Variants in LHCGR observed in about 807,000 individuals in gnomAD.
LHCGR encodes the protein lutropin-choriogonadotropic hormone receptor.
Under a neutral mutation model 60.7 loss-of-function variants are expected in LHCGR, and 55 were observed. That is an observed-to-expected ratio of 0.91 (90% CI 0.73 to 1.13). The LOEUF (loss-of-function observed/expected upper bound fraction) is 1.13, where lower values mean the gene tolerates loss of function less well. Ranked by LOEUF, LHCGR falls within the 50% of genes most tolerant of loss-of-function variation. LHCGR has a pLI of 0.00. For synonymous variants in LHCGR, 337 were observed against 316.5 expected, an observed-to-expected ratio of 1.06 and a Z score of -0.69; for missense variants, 862 against 836.0, an observed-to-expected ratio of 1.03 and a Z score of -0.38.
At position 48,729,141 on chromosome 2, in the gene LHCGR, G is replaced by C. The variant is rs749497366; in HGVS notation, c.308+12C>G. ...GTGTACAGCAGTAAACTGTCTGTTA[G>C]CTGATGCTTACATTTCAGACAAATT... On this transcript the variant is annotated intron_variant, in intron 3 of 10. Coordinates refer to ENST00000294954, the MANE Select transcript of LHCGR (RefSeq NM_000233.4). The C allele has an allele frequency of 2.8e-5, 44 of 1,595,250 alleles. No individual in the cohort carries two copies. Among genetic ancestry groups the C allele is most frequent in the Non-Finnish European group, 3.4e-5 (39 of 1,163,628 alleles).
At chr2:48,702,855 C>T (rs1370252035) in intron 8 of LHCGR, among the ~76,000 whole-genome samples, 1 of 152,228 alleles carries the variant, frequency 6.6e-6, no homozygotes, top group Non-Finnish European at 1.5e-5. Flanking sequence ...ACACTGTCCT[C>T]CACAATGATT....
chr2:48,755,056 A>G, intron 1 of LHCGR, among the ~76,000 whole-genome samples: 1 of 152,098 alleles, frequency 6.6e-6, no homozygotes, highest in East Asian at 1.9e-4. Context: ...ACCCTTGGCC[A>G]TAGGGCCTGA....
At chr2:48,751,844 A>T (rs1055424530) in intron 1 of LHCGR, among the ~76,000 whole-genome samples, 2 of 152,212 alleles carry the variant, frequency 1.3e-5, no homozygotes, top group Non-Finnish European at 2.9e-5. Flanking sequence ...CTAAAAGTTT[A>T]ATTTCTGTTC....
At chr2:48,714,157 G>A (rs1668126681) in intron 6 of LHCGR, 103 bp from the exon 7 acceptor site, 2 of 782,002 alleles carry the variant, frequency 2.6e-6, no homozygotes, top group Non-Finnish European at 4.5e-6. Flanking sequence ...GTTATTACAG[G>A]CATTCATAAT....
At chr2:48,712,956 A>G (rs1248219646) in intron 7 of LHCGR, among the ~76,000 whole-genome samples, 1 of 152,192 alleles carries the variant, frequency 6.6e-6, no homozygotes. Context: ...CTTTGGTTAC[A>G]TATCTATAAT....
chr2:48,698,061 AC>A (rs1339182374), intron 9 of LHCGR, among the ~76,000 whole-genome samples: 1 of 152,140 alleles, frequency 6.6e-6, no homozygotes, highest in Non-Finnish European at 1.5e-5. Context: ...GGAATCAGAT[AC>A]CCACTACTGG....
chr2:48,725,842 GAA>G, intron 3 of LHCGR, 92 bp from the exon 4 acceptor site: 1 of 1,018,330 alleles, frequency 9.8e-7, no homozygotes, highest in Non-Finnish European at 1.5e-6. Flanking sequence ...GTTGCTGGCT[GAA>G]AATGGCATCA....
chr2:48,706,383 C>A (rs1037678923), intron 8 of LHCGR, among the ~76,000 whole-genome samples: 2 of 152,054 alleles, frequency 1.3e-5, no homozygotes, highest in African/African-American at 2.4e-5. Context: ...TGGGATGGCT[C>A]CTCTGGAGGA....
chr2:48,688,241 A>G lies in LHCGR; in HGVS notation c.1556T>C (p.Val519Ala), dbSNP rs1276698270. 2 of 1,614,056 alleles carry G rather than the reference A, an allele frequency of 1.2e-6. No individual in the cohort carries two copies. Among genetic ancestry groups the G allele is most frequent in the African/African-American group, 2.7e-5 (2 of 74,938 alleles). Residue 519 changes from valine to alanine, a missense_variant, in exon 11 of 11, where the codon GTG becomes GCG. Val to Ala is a moderately conservative substitution (Grantham distance 64). Transcript: ENST00000294954. This position sits in a 1 kb window ranked among gnomAD's most constrained non-coding sequence, Gnocchi z 5.2. ...ATAGACTTGTGAGAGAGTGGTTTCC[A>G]CATCCATGGGGAAGCAAATACTGAC... The part of the protein sequence containing the change: ...MKVSICFPMD[V>A]ETTLSQVYIL...
rs973868615 is a variant in LHCGR, at chr2:48,688,659, C to T, written c.1138G>A (p.Val380Ile). The T allele has an allele frequency of 2.5e-6, 4 of 1,614,030 alleles. No homozygotes were observed. The highest frequency in any genetic ancestry group is 3.4e-6 in the Non-Finnish European group (4 of 1,180,018). The stretch of plus-strand genomic sequence containing the variant: ...CGACTTGTCAGGAGAACAAAAAGAA[C>T]AGTCATGTTTCCCATGATGGCTAGA... ...NILAIMGNMT[V>I]LFVLLTSRYK... Residue 380 changes from valine (V) to isoleucine (I), a missense_variant, in exon 11 of 11, where the codon GTT becomes ATT. Coordinates refer to ENST00000294954, the MANE Select transcript of LHCGR (RefSeq NM_000233.4). The surrounding 1 kb of genome is among the most constrained non-coding windows in gnomAD (Gnocchi z 5.2).
chr2:48,748,495 A>G (rs1364045443), intron 1 of LHCGR, among the ~76,000 whole-genome samples: 1 of 152,214 alleles, frequency 6.6e-6, no homozygotes, highest in Non-Finnish European at 1.5e-5. Context: ...ACTCAAGGCA[A>G]TAATGAGCTC....
chr2:48,688,287 C>T lies in LHCGR; in HGVS notation c.1510G>A (p.Gly504Ser), dbSNP rs377391010. 8.8e-5 allele frequency: 142 copies of T among 1,613,972 alleles called. No individual in the cohort carries two copies. The highest frequency in any genetic ancestry group is 1.8e-4 in the South Asian group (16 of 91,066). Residue 504 changes from glycine (G) to serine (S), a missense_variant, in exon 11 of 11, where the codon GGT (glycine) becomes AGT (serine). Gly to Ser is a moderately conservative substitution (Grantham distance 56). Coordinates refer to ENST00000294954, the MANE Select transcript of LHCGR (RefSeq NM_000233.4). The surrounding 1 kb of genome is among the most constrained non-coding windows in gnomAD (Gnocchi z 5.2). Reference sequence around the variant, plus strand: ...CTGACCTTCATGTAATTGCTGACACCGACAAGGGGCAACATAGCAATTAGA... The same window carrying T: ...CTGACCTTCATGTAATTGCTGACACTGACAAGGGGCAACATAGCAATTAGA... ...SSLIAMLPLVGVSNYMKVSIC... is the reference protein window; with the variant it reads ...SSLIAMLPLVSVSNYMKVSIC...
chr2:48,749,405 C>A (rs1007495072), intron 1 of LHCGR, among the ~76,000 whole-genome samples: 12 of 152,122 alleles, frequency 7.9e-5, no homozygotes, highest in Non-Finnish European at 1.0e-4. Flanking sequence ...TTTCTGCAGC[C>A]AAGGGGAGCT....
chr2:48,725,583 T>C lies in LHCGR; in HGVS notation c.383+93A>G. On this transcript the variant is annotated intron_variant, in intron 4 of 10. Coordinates refer to ENST00000294954, the MANE Select transcript of LHCGR (RefSeq NM_000233.4). ...CATGCAAATAGTGCCATGTATATGGTTAAACAAAATCTTTCCAACCTTTTC... is the reference window on the plus strand; with the variant it reads ...CATGCAAATAGTGCCATGTATATGGCTAAACAAAATCTTTCCAACCTTTTC... 20 of 914,288 alleles carry C rather than the reference T, an allele frequency of 2.2e-5. No individual in the cohort carries two copies. The South Asian group carries it at 2.6e-4, about 12-fold the overall frequency. The allele number at this position is 914,288 out of a possible 1,614,324, so 56.6% of individuals were successfully genotyped here.
chr2:48,748,038 C>A (rs2103725800), intron 1 of LHCGR, among the ~76,000 whole-genome samples: 1 of 152,276 alleles, frequency 6.6e-6, no homozygotes, highest in Middle Eastern at 3.4e-3. Context: ...TTAAAACACT[C>A]AGAGGAAGTT....
intron 6 of LHCGR, 81 bp downstream of exon 6, chr2:48,723,375 A>G: frequency 1.0e-6 from 1 of 962,698 alleles, no homozygotes; most frequent in Non-Finnish European, 1.7e-6. Flanking sequence ...GTGGTAAAAC[A>G]TGAGAAAAAG....
intron 1 of LHCGR, among the ~76,000 whole-genome samples, chr2:48,748,183 G>C (rs1669796417): frequency 6.6e-6 from 1 of 152,142 alleles, no homozygotes; most frequent in Non-Finnish European, 1.5e-5. Context: ...CATTTGAGAA[G>C]AGGATACCTC....
chr2:48,722,098 C>A (rs189810229), intron 6 of LHCGR, among the ~76,000 whole-genome samples: 2 of 152,256 alleles, frequency 1.3e-5, no homozygotes, highest in Admixed American at 6.5e-5. Context: ...TGCAGTGAGC[C>A]AAGATTGCGC....
intron 8 of LHCGR, among the ~76,000 whole-genome samples, chr2:48,707,628 T>C (rs1353167619): frequency 1.3e-5 from 2 of 152,278 alleles, no homozygotes; most frequent in Non-Finnish European, 2.9e-5. Flanking sequence ...TCAGCCTTGC[T>C]GAGCTGTATT....
Sources: gnomAD v4.1 joint callset for allele counts (sites outside exome capture counted in the v4.1 genomes callset) on GRCh38, gnomAD v4.1.1 for gene constraint, Gnocchi (gnomAD v3.1) non-coding constraint, MANE v1.5 for transcripts, NCBI Gene and HGNC (gene_info 2026-07-23, HGNC 2026-07-21) for gene names.